Variants in PGF observed in about 807,000 individuals in gnomAD.
The protein encoded by PGF is placenta growth factor.
PGF carries 11 observed loss-of-function variants against 25.3 expected under a neutral mutation model. The observed-to-expected ratio is 0.43, with a 90% CI of 0.27 to 0.72. The LOEUF is 0.72. PGF is among the 30% of genes least tolerant of loss of function. PGF has a pLI of 0.18. For missense variants in PGF, 230 were observed against 234.9 expected, an observed-to-expected ratio of 0.98 and a Z score of 0.14; for synonymous variants, 105 against 97.9, an observed-to-expected ratio of 1.07 and a Z score of -0.43.
intron 3 of PGF, among the ~76,000 whole-genome samples, chr14:74,948,810 A>G (rs1331358376): frequency 6.6e-6 from 1 of 152,178 alleles, no homozygotes; most frequent in Admixed American, 6.5e-5. Context: ...GCAATAGCAC[A>G]GGAAGGGGGC....
chr14:74,948,325 G>T (rs1888787935), intron 4 of PGF, 182 bp downstream of exon 4: 2 of 486,630 alleles, frequency 4.1e-6, no homozygotes, highest in Non-Finnish European at 7.4e-6. Context: ...CTGGCTGGTG[G>T]GGGGACAAAA....
At chr14:74,944,559 T>C (rs1888682795) in intron 6 of PGF, 1 of 152,096 alleles carries the variant, frequency 6.6e-6, no homozygotes, top group East Asian at 1.9e-4. Context: ...TACTTTTTTT[T>C]TTTTGAGACA....
rs189937852 is a variant in PGF at position 74,953,020 on chromosome 14, G to C, written c.118+884C>G. 1.4e-4 allele frequency among the ~76,000 whole-genome samples: 21 copies of C among 152,362 alleles called. No homozygotes were observed. Among genetic ancestry groups the C allele is most frequent in the Admixed American group, 1.4e-3 (21 of 15,310 alleles). On this transcript the variant is annotated intron_variant, in intron 2 of 6. Coordinates refer to ENST00000555567, the MANE Select transcript of PGF (RefSeq NM_002632.6). This position sits in a 1 kb window ranked among gnomAD's most constrained non-coding sequence, Gnocchi z 5.4. Reference sequence around the variant, plus strand: ...ATGTTGTGCTGGTTCCAGAGGCACAGCAAGGGAGGCATCCATGAGGTCAAG... The same window carrying C: ...ATGTTGTGCTGGTTCCAGAGGCACACCAAGGGAGGCATCCATGAGGTCAAG...
At chr14:74,951,080 G>T (rs1888861330) in intron 2 of PGF, among the ~76,000 whole-genome samples, 1 of 152,232 alleles carries the variant, frequency 6.6e-6, no homozygotes, top group Non-Finnish European at 1.5e-5. Context: ...GCTGCAAACT[G>T]GTGGAAAATA....
chr14:74,942,925 C>A (rs1888637871), intron 6 of PGF, among the ~76,000 whole-genome samples, 192 bp from the exon 7 acceptor site: 1 of 152,192 alleles, frequency 6.6e-6, no homozygotes, highest in South Asian at 2.1e-4. Flanking sequence ...AACACTTACC[C>A]ATGTGCCCAG....
intron 6 of PGF, chr14:74,945,257 T>C (rs1888703663): frequency 6.6e-6 from 1 of 152,216 alleles, no homozygotes; most frequent in Non-Finnish European, 1.5e-5. Context: ...CCGAGTGAAA[T>C]GTCTGAAGAC....
Position 74,948,367 on chromosome 14 carries a change from T to C in PGF, c.392+140A>G, listed in dbSNP as rs1309607182. 1.9e-5 allele frequency: 10 copies of C among 533,094 alleles called. No homozygotes were observed. The Admixed American group carries it at 3.2e-4, about 17-fold the overall frequency. The allele number at this position is 533,094 out of a possible 1,614,324, so 33.0% of individuals were successfully genotyped here. A position where few individuals can be genotyped will look rare whatever the true frequency, so the allele number is the denominator to read the frequency against. ...GTAGCCACCCCTGGTCCTGCCCTCT[T>C]GGTCTCCCTCAGTCTGGAAAAAAGT... On this transcript the variant is annotated intron_variant, in intron 4 of 6. Transcript: ENST00000555567.
At chr14:74,949,587 C>G in intron 2 of PGF, 34 bp from the exon 3 acceptor site, 1 of 1,478,310 alleles carries the variant, frequency 6.8e-7, no homozygotes, top group South Asian at 1.4e-5. Context: ...GTCAGGCCAG[C>G]AGAGACCTGC....
chr14:74,946,834 A>C (rs762394587), intron 4 of PGF: 4 of 753,256 alleles, frequency 5.3e-6, no homozygotes, highest in Non-Finnish European at 9.7e-6. Context: ...CTGTCAGGGC[A>C]CAGCCCCACT....
chr14:74,949,837 A>AT (rs1197193642), intron 2 of PGF, among the ~76,000 whole-genome samples: 3 of 152,170 alleles, frequency 2.0e-5, no homozygotes, highest in African/African-American at 7.2e-5. Context: ...AGCTTTGAGG[A>AT]TTGTAGCCCC....
chr14:74,951,795 G>C (rs1327396046), intron 2 of PGF, among the ~76,000 whole-genome samples: 1 of 152,174 alleles, frequency 6.6e-6, no homozygotes, highest in Non-Finnish European at 1.5e-5. Context: ...AAGGAGGTGG[G>C]CTGGAGCCTG....
rs1428716716 is a variant in PGF, at chr14:74,953,597, C to T, written c.118+307G>A. Among the ~76,000 whole-genome samples, 2 of 152,102 alleles carry T rather than the reference C, an allele frequency of 1.3e-5. No homozygotes were observed. The highest frequency in any genetic ancestry group is 4.8e-5 in the African/African-American group (2 of 41,414). ...TGGCACTCACTCCCCACCCTGTCCT[C>T]CAAGACCCCATCCATACCCTTAAAT... On this transcript the variant is annotated intron_variant, in intron 2 of 6. Transcript: ENST00000555567. The surrounding 1 kb of genome is among the most constrained non-coding windows in gnomAD (Gnocchi z 5.4).
At chr14:74,943,450 C>T (rs1594983202) in intron 6 of PGF, among the ~76,000 whole-genome samples, 1 of 152,330 alleles carries the variant, frequency 6.6e-6, no homozygotes, top group Middle Eastern at 3.4e-3. Flanking sequence ...AACAGCTTAA[C>T]CAAATTGTCA....
At position 74,948,612 on chromosome 14, in the gene PGF, T is replaced by C. The variant is rs770077359; in HGVS notation, c.316-29A>G. On this transcript the variant is annotated intron_variant, in intron 3 of 6. Coordinates refer to ENST00000555567, the MANE Select transcript of PGF (RefSeq NM_002632.6). ...AAGGAAGAAAGAGTTGATGCCTGGATTGGGGAGTGGCCCACGAGTTTCCGG... is the reference window on the plus strand; with the variant it reads ...AAGGAAGAAAGAGTTGATGCCTGGACTGGGGAGTGGCCCACGAGTTTCCGG... The C allele has an allele frequency of 1.9e-5, 28 of 1,503,344 alleles. No homozygotes were observed. In the Admixed American group the frequency reaches 3.7e-4, roughly 20 times the overall value. The allele number at this position is 1,503,344 out of a possible 1,614,324, so 93.1% of individuals were successfully genotyped here.
At chr14:74,946,036 A>T in intron 6 of PGF, 177 bp downstream of exon 6, 1 of 601,680 alleles carries the variant, frequency 1.7e-6, no homozygotes, top group Non-Finnish European at 3.0e-6. Flanking sequence ...CGGGACAAAA[A>T]CCAAGGTCCA....
chr14:74,955,297 C>G lies in PGF; in HGVS notation c.-55G>C. On this transcript the variant is annotated 5_prime_UTR_variant, in exon 1 of 7. Transcript: ENST00000555567. The surrounding 1 kb of genome is among the most constrained non-coding windows in gnomAD (Gnocchi z 4.1). ...CGAGGGAAAACCACCATGCTCATCCCCCGGGGAGCCCCTGGCACAGGAGGA... is the reference window on the plus strand; with the variant it reads ...CGAGGGAAAACCACCATGCTCATCCGCCGGGGAGCCCCTGGCACAGGAGGA... The G allele has an allele frequency of 8.8e-7, 1 of 1,136,860 alleles. No homozygotes were observed. Among genetic ancestry groups the G allele is most frequent in the Non-Finnish European group, 1.2e-6 (1 of 842,260 alleles). The allele number at this position is 1,136,860 out of a possible 1,614,324, so 70.4% of individuals were successfully genotyped here.
intron 2 of PGF, among the ~76,000 whole-genome samples, chr14:74,952,018 G>A (rs764037637): frequency 1.3e-5 from 2 of 152,112 alleles, no homozygotes; most frequent in African/African-American, 2.4e-5. Context: ...AGGGGGTGGA[G>A]GTGAGAGCAA....
intron 6 of PGF, chr14:74,944,879 T>C (rs376024651): frequency 6.6e-6 from 1 of 151,060 alleles, no homozygotes; most frequent in Non-Finnish European, 1.5e-5. Context: ...ATGTTCAATG[T>C]CAACTTAAGA....
At chr14:74,946,442 C>T (rs1158970701) in intron 4 of PGF, 34 bp from the exon 5 acceptor site, 7 of 1,582,344 alleles carry the variant, frequency 4.4e-6, no homozygotes, top group South Asian at 1.2e-5. Context: ...GGCAGAGGAA[C>T]GTTAGGAAAG....
Sources: gnomAD v4.1 joint callset for allele counts (sites outside exome capture counted in the v4.1 genomes callset) on GRCh38, gnomAD v4.1.1 for gene constraint, Gnocchi (gnomAD v3.1) non-coding constraint, MANE v1.5 for transcripts, NCBI Gene and HGNC (gene_info 2026-07-23, HGNC 2026-07-21) for gene names.